AGXT2: variants seen among roughly 807,000 people sequenced by gnomAD.
The protein encoded by AGXT2 is alanine--glyoxylate aminotransferase 2.
In AGXT2, 61 loss-of-function variants were observed where a neutral mutation model predicts 62.5. The ratio of observed to expected loss-of-function variants is 0.98; its 90% CI spans 0.79 to 1.21. The LOEUF (loss-of-function observed/expected upper bound fraction) is 1.21. Among genes scored for constraint, AGXT2 ranks in the 50% most tolerant of loss-of-function variants. The pLI is 0.00. For missense variants in AGXT2, 666 were observed against 641.5 expected (o/e 1.04, Z -0.41); for synonymous variants, 243 against 218.7 (o/e 1.11, Z -0.98).
In AGXT2 at chr5:35,033,541, A is replaced by G; in HGVS notation, c.594T>C (p.His198=). 1 of 1,613,592 alleles carries G rather than the reference A, an allele frequency of 6.2e-7. No individual in the cohort carries two copies. Among genetic ancestry groups the G allele is most frequent in the Non-Finnish European group, 8.5e-7 (1 of 1,179,526 alleles). The change falls in exon 6 of 14, where the codon CAT becomes CAC. Residue 198 remains histidine, a synonymous_variant. Transcript: ENST00000231420. ...IDIISFRGAY[H]GCSPYTLGLT... Reference sequence around the variant, plus strand: ...AGCCAAGTGTGTAAGGACTGCATCCATGGTAGGCTCCTCTGCAGAGAAGAA... The same window carrying G: ...AGCCAAGTGTGTAAGGACTGCATCCGTGGTAGGCTCCTCTGCAGAGAAGAA...
intron 9 of AGXT2, 124 bp downstream of exon 9, chr5:35,025,639 A>T: frequency 1.1e-6 from 1 of 945,832 alleles, no homozygotes; most frequent in Non-Finnish European, 1.7e-6. Flanking sequence ...ATTCATTTGT[A>T]GGCAAACTTT....
At chr5:35,030,962 C>A (rs958989881) in intron 7 of AGXT2, among the ~76,000 whole-genome samples, 3 of 152,158 alleles carry the variant, frequency 2.0e-5, no homozygotes, top group African/African-American at 4.8e-5. Flanking sequence ...TTGGCAGCAG[C>A]CAGATATTGC....
intron 5 of AGXT2, among the ~76,000 whole-genome samples, chr5:35,033,758 T>C (rs775361746): frequency 6.6e-6 from 1 of 152,210 alleles, no homozygotes; most frequent in Non-Finnish European, 1.5e-5. Flanking sequence ...TTTGAAACTG[T>C]GAAAGGAATT....
At position 35,019,700 on chromosome 5, in the gene AGXT2, A is replaced by C. The variant is rs559211192; in HGVS notation, c.964-5581T>G. 4.6e-5 allele frequency among the ~76,000 whole-genome samples: 7 copies of C among 152,328 alleles called. No homozygotes were observed. In the South Asian group the frequency reaches 1.0e-3, roughly 23 times the overall value. ...AAGAGAAAACACATTCAAAAGCTAGAAGAAGGCAAGAAATAACTAAAATCA... is the reference window on the plus strand; with the variant it reads ...AAGAGAAAACACATTCAAAAGCTAGCAGAAGGCAAGAAATAACTAAAATCA... On this transcript the variant is annotated intron_variant, in intron 9 of 13. Transcript: ENST00000231420.
chr5:35,041,889 T>C (rs1768005189), intron 1 of AGXT2, among the ~76,000 whole-genome samples: 1 of 152,224 alleles, frequency 6.6e-6, no homozygotes. Flanking sequence ...TGTCATTAAT[T>C]TGCTTTTACT....
At chr5:35,045,889 T>C (rs1768182454) in intron 1 of AGXT2, among the ~76,000 whole-genome samples, 1 of 148,364 alleles carries the variant, frequency 6.7e-6, no homozygotes, top group Non-Finnish European at 1.5e-5. Context: ...TGCCTCAGCC[T>C]CCTGAGTAGC....
At chr5:35,034,980 T>C (rs1226236959) in intron 5 of AGXT2, among the ~76,000 whole-genome samples, 1 of 152,152 alleles carries the variant, frequency 6.6e-6, no homozygotes, top group Non-Finnish European at 1.5e-5. Flanking sequence ...GGAGGATCTA[T>C]GACATAATGA....
At chr5:35,005,697 TG>T (rs1238018592) in intron 12 of AGXT2, among the ~76,000 whole-genome samples, 1 of 151,916 alleles carries the variant, frequency 6.6e-6, no homozygotes, top group African/African-American at 2.4e-5. Context: ...TCTGAAACTC[TG>T]CTGAGGCTTA....
At chr5:34,998,891 G>T in intron 13 of AGXT2, 65 bp from the exon 14 acceptor site, 2 of 1,227,104 alleles carry the variant, frequency 1.6e-6, no homozygotes, top group Non-Finnish European at 2.4e-6. Flanking sequence ...TTGAGGAAAT[G>T]CACTAAACTA....
chr5:35,033,263 C>T (rs1767638015), intron 6 of AGXT2, 197 bp downstream of exon 6: 1 of 589,336 alleles, frequency 1.7e-6, no homozygotes, highest in Non-Finnish European at 3.0e-6. Flanking sequence ...AAAACTCTGT[C>T]ATTAATTATT....
chr5:35,027,732 T>G (rs1409068821), intron 7 of AGXT2, among the ~76,000 whole-genome samples: 1 of 151,436 alleles, frequency 6.6e-6, no homozygotes, highest in Non-Finnish European at 1.5e-5. Context: ...GGTAGATCCC[T>G]CCAGAGCCTA....
rs534503709 is a variant in AGXT2 at position 35,036,034 on chromosome 5, G to A, written c.487-718C>T. Among the ~76,000 whole-genome samples, 96 of 151,958 alleles carry A rather than the reference G, an allele frequency of 6.3e-4. 1 individual carries two copies. The highest frequency in any genetic ancestry group is 1.0e-3 in the Non-Finnish European group (71 of 67,980). ...AGAGATTGCAGTGAGCCGAGATTGC[G>A]CCATTGCACTGCAGCCTGGGTGACA... On this transcript the variant is annotated intron_variant, in intron 4 of 13. Coordinates refer to ENST00000231420, the MANE Select transcript of AGXT2 (RefSeq NM_031900.4).
rs1162366597 is a variant in AGXT2 at position 35,035,105 on chromosome 5, C to T, written c.581+117G>A. The stretch of plus-strand genomic sequence containing the variant: ...CCTATCCTTCCTTAAAACTTAACAA[C>T]TAGAAAAATATCCCTGAGAAAACCT... On this transcript the variant is annotated intron_variant, in intron 5 of 13. Coordinates refer to ENST00000231420, the MANE Select transcript of AGXT2 (RefSeq NM_031900.4). 2.0e-5 allele frequency: 18 copies of T among 917,634 alleles called. 1 individual carries two copies. The South Asian group carries it at 2.3e-4, about 12-fold the overall frequency. The allele number at this position is 917,634 out of a possible 1,614,324, so 56.8% of individuals were successfully genotyped here.
At chr5:35,024,353 G>T (rs1241678405) in intron 9 of AGXT2, among the ~76,000 whole-genome samples, 1 of 152,172 alleles carries the variant, frequency 6.6e-6, no homozygotes, top group Non-Finnish European at 1.5e-5. Flanking sequence ...CATGGCTTCG[G>T]TGGCCCTAGT....
chr5:35,006,739 C>T (rs1464412934), intron 12 of AGXT2, among the ~76,000 whole-genome samples: 1 of 152,142 alleles, frequency 6.6e-6, no homozygotes, highest in Admixed American at 6.5e-5. Flanking sequence ...AGACAAATTA[C>T]TGTCCAAAGG....
chr5:35,014,776 G>A (rs344165), intron 9 of AGXT2, among the ~76,000 whole-genome samples: 69,842 of 151,954 alleles, frequency 0.46, 16,456 homozygotes, highest in African/African-American at 0.55. Context: ...TTTGATGAGC[G>A]TTTCCTCTGT....
At chr5:35,040,033 G>A (rs1172427705) in intron 2 of AGXT2, among the ~76,000 whole-genome samples, 1 of 152,072 alleles carries the variant, frequency 6.6e-6, no homozygotes, top group Non-Finnish European at 1.5e-5. Flanking sequence ...GAGTTGCCGT[G>A]TGTGTGTGCA....
intron 1 of AGXT2, among the ~76,000 whole-genome samples, chr5:35,043,827 A>G (rs1191118736): frequency 6.6e-6 from 1 of 152,068 alleles, no homozygotes; most frequent in East Asian, 1.9e-4. Flanking sequence ...AGTAGCTGGG[A>G]CCATAGGGGC....
chr5:35,023,554 T>A (rs1561223281), intron 9 of AGXT2, among the ~76,000 whole-genome samples: 2 of 152,254 alleles, frequency 1.3e-5, no homozygotes, highest in African/African-American at 2.4e-5. Flanking sequence ...TTAGTCTGAC[T>A]GTGACAGCTT....
Sources: gnomAD v4.1 joint callset for allele counts (sites outside exome capture counted in the v4.1 genomes callset) on GRCh38, gnomAD v4.1.1 for gene constraint, MANE v1.5 for transcripts, NCBI Gene and HGNC (gene_info 2026-07-23, HGNC 2026-07-21) for gene names.